The following TNR variants were observed in gnomAD, a reference collection of about 807,000 sequenced individuals.
TNR encodes tenascin R.
TNR carries 45 observed loss-of-function variants against 150.4 expected under a neutral mutation model. That is an observed-to-expected ratio of 0.30 (90% CI 0.24 to 0.38). The LOEUF is 0.38. Ranked by LOEUF, TNR falls within the 10% of genes least tolerant of loss-of-function variation. The pLI is 1.00. For missense variants in TNR, 1,544 were observed against 1,759.1 expected (o/e 0.88, Z 2.19); for synonymous variants, 687 against 678.4 (o/e 1.01, Z -0.20).
intron 18 of TNR, among the ~76,000 whole-genome samples, chr1:175,345,874 T>C (rs573280281): frequency 1.3e-5 from 2 of 152,230 alleles, no homozygotes; most frequent in East Asian, 3.9e-4. Flanking sequence ...CTTCAAGACA[T>C]ATAATGAAGT....
In TNR at chr1:175,351,866, T is replaced by C. The variant is rs76802985; in HGVS notation, c.3382+2525A>G. On this transcript the variant is annotated intron_variant, in intron 18 of 22. Coordinates refer to ENST00000367674, the MANE Select transcript of TNR (RefSeq NM_003285.3). ...TCAGTCAGTAGCTACACTCACCGCA[T>C]AGGAAATTGGGCTCTTCTGTTTTCC... 3.5e-3 allele frequency among the ~76,000 whole-genome samples: 537 copies of C among 152,308 alleles called. 7 individuals are homozygous for C. The highest frequency in any genetic ancestry group is 0.012 in the African/African-American group (515 of 41,576).
At chr1:175,576,296 G>A (rs1662108591) in intron 1 of TNR, among the ~76,000 whole-genome samples, 1 of 152,200 alleles carries the variant, frequency 6.6e-6, no homozygotes, top group African/African-American at 2.4e-5. Flanking sequence ...CCCTGAAAGA[G>A]ATGCAAAGTC....
At chr1:175,540,480 A>G (rs1324280561) in intron 1 of TNR, among the ~76,000 whole-genome samples, 1 of 152,190 alleles carries the variant, frequency 6.6e-6, no homozygotes, top group Non-Finnish European at 1.5e-5. Context: ...TGTAATTCTT[A>G]TGGCTAAGGA....
chr1:175,419,551 G>A (rs975257966), intron 2 of TNR, among the ~76,000 whole-genome samples: 3 of 151,998 alleles, frequency 2.0e-5, no homozygotes, highest in Admixed American at 1.3e-4. Context: ...GCACGATCTC[G>A]GCTCACTGCA....
At chr1:175,629,408 A>T (rs1664256084) in intron 1 of TNR, among the ~76,000 whole-genome samples, 1 of 152,246 alleles carries the variant, frequency 6.6e-6, no homozygotes, top group African/African-American at 2.4e-5. Flanking sequence ...AACATTAAAA[A>T]TGCAGAAATG....
At chr1:175,579,876 CT>C (rs1662280451) in intron 1 of TNR, among the ~76,000 whole-genome samples, 1 of 152,094 alleles carries the variant, frequency 6.6e-6, no homozygotes, top group Non-Finnish European at 1.5e-5. Flanking sequence ...TTCCTTCTTC[CT>C]TCCCTTTCCC....
At chr1:175,331,067 TTCTTTCTTTC>T (rs1649810701) in intron 20 of TNR, among the ~76,000 whole-genome samples, 1 of 128,756 alleles carries the variant, frequency 7.8e-6, no homozygotes, top group Non-Finnish European at 1.6e-5. Context: ...CTTTCTTTCT[TTCTTTCTTTC>T]CTTCTTTCTT....
At chr1:175,625,630 G>C (rs1380024302) in intron 1 of TNR, among the ~76,000 whole-genome samples, 2 of 152,234 alleles carry the variant, frequency 1.3e-5, no homozygotes, top group Non-Finnish European at 2.9e-5. Flanking sequence ...TCTCAATAGA[G>C]AATGTTTCTG....
chr1:175,697,984 G>A (rs1243125874), intron 1 of TNR, among the ~76,000 whole-genome samples: 5 of 152,306 alleles, frequency 3.3e-5, no homozygotes, highest in South Asian at 2.1e-4. Flanking sequence ...GACTCTCCCC[G>A]TGTGTTTCTT....
Position 175,317,886 on chromosome 1 carries a change from G to A in TNR, c.*5471C>T, listed in dbSNP as rs1308774768. 1 of 152,166 alleles carries A rather than the reference G, an allele frequency of 6.6e-6. No individual in the cohort carries two copies. The highest frequency in any genetic ancestry group is 6.5e-5 in the Admixed American group (1 of 15,276). The allele number at this position is 152,166 out of a possible 1,614,324, so 9.4% of individuals were successfully genotyped here. On this transcript the variant is annotated 3_prime_UTR_variant, in exon 23 of 23. Coordinates refer to ENST00000367674, the MANE Select transcript of TNR (RefSeq NM_003285.3). The stretch of plus-strand genomic sequence containing the variant: ...TTATTAAGCTTGAGGAAGGAGAGAG[G>A]ATTTCCCCTTTGGAGAAAATGCAAC...
chr1:175,565,089 G>C (rs1172140479), intron 1 of TNR, among the ~76,000 whole-genome samples: 1 of 152,186 alleles, frequency 6.6e-6, no homozygotes, highest in East Asian at 1.9e-4. Context: ...GTTTTAAATG[G>C]TTCAGCCCAT....
At position 175,365,427 on chromosome 1, in the gene TNR, C is replaced by T. The variant is rs1251531997; in HGVS notation, c.2318-148G>A. On this transcript the variant is annotated intron_variant, in intron 11 of 22. Coordinates refer to ENST00000367674, the MANE Select transcript of TNR (RefSeq NM_003285.3). ...AACCAAGAGATTCCACCTCCTCACC[C>T]TCCAGTGCTGTTCACTCCACTTTTT... 5.6e-6 allele frequency: 5 copies of T among 889,010 alleles called. No individual in the cohort carries two copies. In the South Asian group the frequency reaches 9.8e-5, roughly 17 times the overall value. The allele number at this position is 889,010 out of a possible 1,614,324, so 55.1% of individuals were successfully genotyped here.
intron 2 of TNR, among the ~76,000 whole-genome samples, chr1:175,519,497 A>G (rs989975908): frequency 1.8e-4 from 27 of 152,330 alleles, no homozygotes; most frequent in African/African-American, 6.3e-4. Context: ...TTGCTGTTGC[A>G]TTGATCACTA....
intron 18 of TNR, among the ~76,000 whole-genome samples, chr1:175,348,194 A>T (rs1036970240): frequency 6.6e-6 from 1 of 152,222 alleles, no homozygotes; most frequent in Non-Finnish European, 1.5e-5. Context: ...TTAGCCAAGA[A>T]CATATAGAAT....
At chr1:175,578,846 C>T (rs1662224259) in intron 1 of TNR, among the ~76,000 whole-genome samples, 1 of 152,176 alleles carries the variant, frequency 6.6e-6, no homozygotes, top group South Asian at 2.1e-4. Context: ...GGTTCTGATG[C>T]TGGAGCAGGT....
intron 1 of TNR, among the ~76,000 whole-genome samples, chr1:175,588,377 C>A (rs909762215): frequency 2.0e-5 from 3 of 152,174 alleles, no homozygotes; most frequent in African/African-American, 7.2e-5. Flanking sequence ...CACCTTGGGC[C>A]TTCCTAGCCC....
In TNR at chr1:175,480,576, C is replaced by G. The variant is rs546049685; in HGVS notation, c.-64+47693G>C. Among the ~76,000 whole-genome samples the G allele has an allele frequency of 1.8e-4, 28 of 152,216 alleles. 1 individual carries two copies. The highest frequency in any genetic ancestry group is 4.4e-5 in the Non-Finnish European group (3 of 68,044). ...GTCATAATGACTTGACTCATGTTTACTGACTGCTAACATTATGCCCAGCGT... is the reference window on the plus strand; with the variant it reads ...GTCATAATGACTTGACTCATGTTTAGTGACTGCTAACATTATGCCCAGCGT... On this transcript the variant is annotated intron_variant, in intron 2 of 22. Transcript: ENST00000367674.
At chr1:175,671,160 C>T (rs1352871017) in intron 1 of TNR, among the ~76,000 whole-genome samples, 3 of 152,104 alleles carry the variant, frequency 2.0e-5, no homozygotes, top group Non-Finnish European at 4.4e-5. Context: ...GTTGAGCCCA[C>T]TGAGGGTGAG....
At chr1:175,514,050 C>T (rs886380188) in intron 2 of TNR, among the ~76,000 whole-genome samples, 4 of 152,150 alleles carry the variant, frequency 2.6e-5, no homozygotes, top group East Asian at 1.9e-4. Flanking sequence ...AGAATAATGA[C>T]GCCTCAAAGA....
Sources: allele counts gnomAD v4.1 joint callset (sites outside exome capture counted in the v4.1 genomes callset), GRCh38; gene constraint gnomAD v4.1.1; transcripts MANE v1.5; gene names NCBI Gene and HGNC (gene_info 2026-07-23, HGNC 2026-07-21).